The following AGPS variants were observed in gnomAD, a reference collection of about 807,000 sequenced individuals.
AGPS encodes the protein alkyldihydroxyacetonephosphate synthase, peroxisomal.
A neutral mutation model predicts 90.7 loss-of-function variants in AGPS; 26 were observed. The ratio of observed to expected loss-of-function variants is 0.29; its 90% CI spans 0.21 to 0.40. The LOEUF is 0.40. Among genes scored for constraint, AGPS ranks in the 10% least tolerant of loss-of-function variants. The probability of loss-of-function intolerance (pLI) is 1.00; values close to 1 mark genes in which losing one functional copy is unlikely to be tolerated. For missense variants in AGPS, 540 were observed against 816.1 expected, an observed-to-expected ratio of 0.66 and a Z score of 4.12; for synonymous variants, 294 against 285.3, an observed-to-expected ratio of 1.03 and a Z score of -0.31.
chr2:177,394,823 C>T (rs949776241), intron 1 of AGPS, among the ~76,000 whole-genome samples: 3 of 152,138 alleles, frequency 2.0e-5, no homozygotes, highest in Non-Finnish European at 4.4e-5. Context: ...AGTGCAATGC[C>T]TGTTACATAA....
intron 12 of AGPS, among the ~76,000 whole-genome samples, chr2:177,495,512 A>C (rs1688387382): frequency 6.6e-6 from 1 of 152,180 alleles, no homozygotes; most frequent in Non-Finnish European, 1.5e-5. Context: ...ATAGATAATT[A>C]ATAAATCCTG....
chr2:177,506,178 A>T (rs1237887843), intron 15 of AGPS, among the ~76,000 whole-genome samples: 1 of 151,226 alleles, frequency 6.6e-6, no homozygotes, highest in East Asian at 1.9e-4. Flanking sequence ...CTTTGTAACA[A>T]ATTCAAATTT....
intron 14 of AGPS, among the ~76,000 whole-genome samples, chr2:177,500,016 C>T (rs1574013162): frequency 6.6e-6 from 1 of 151,864 alleles, no homozygotes; most frequent in East Asian, 1.9e-4. Flanking sequence ...TAGATTTTTA[C>T]ATTAATGTCA....
intron 3 of AGPS, among the ~76,000 whole-genome samples, chr2:177,435,238 G>A (rs1686369534): frequency 6.6e-6 from 1 of 151,688 alleles, no homozygotes; most frequent in South Asian, 2.1e-4. Context: ...GTTGTTAAGT[G>A]GTATAGGTAT....
intron 13 of AGPS, 41 bp from the exon 14 acceptor site, chr2:177,499,577 A>T: frequency 7.8e-7 from 1 of 1,277,304 alleles, no homozygotes; most frequent in Non-Finnish European, 1.1e-6. Context: ...GTTTTGTAGG[A>T]TAAGACTTAT....
chr2:177,529,375 C>T (rs1230266917), intron 19 of AGPS, among the ~76,000 whole-genome samples: 3 of 151,894 alleles, frequency 2.0e-5, no homozygotes, highest in Admixed American at 6.6e-5. Flanking sequence ...GAAGCTGGGG[C>T]GGGAAGATGG....
At chr2:177,472,648 A>G (rs1225177707) in intron 10 of AGPS, among the ~76,000 whole-genome samples, 1 of 152,090 alleles carries the variant, frequency 6.6e-6, no homozygotes, top group Non-Finnish European at 1.5e-5. Context: ...TGTTACTTGG[A>G]AAGGGCTCCT....
chr2:177,524,688 A>G (rs1013716191), intron 19 of AGPS, among the ~76,000 whole-genome samples: 2 of 151,858 alleles, frequency 1.3e-5, no homozygotes, highest in African/African-American at 2.4e-5. Flanking sequence ...AATATGCTGT[A>G]TATTTGTACT....
chr2:177,428,195 C>G (rs1686135072), intron 2 of AGPS, among the ~76,000 whole-genome samples: 1 of 152,142 alleles, frequency 6.6e-6, no homozygotes, highest in Non-Finnish European at 1.5e-5. Context: ...TTTCCTCCAT[C>G]CCTTTCTTTT....
chr2:177,400,978 T>C (rs181841290), intron 1 of AGPS, among the ~76,000 whole-genome samples: 1 of 152,368 alleles, frequency 6.6e-6, no homozygotes, highest in East Asian at 1.9e-4. Flanking sequence ...AATTCTCTTA[T>C]CACTTTAGTC....
chr2:177,468,569 A>G (rs1204092750), intron 10 of AGPS, 45 bp downstream of exon 10: 3 of 1,372,772 alleles, frequency 2.2e-6, no homozygotes, highest in African/African-American at 1.4e-5. Context: ...CAGGTTAGTC[A>G]TGCAGTTTTG....
intron 17 of AGPS, 60 bp downstream of exon 17, chr2:177,513,968 AG>A (rs879093772): frequency 1.7e-5 from 21 of 1,261,452 alleles, no homozygotes; most frequent in Admixed American, 6.9e-5. Context: ...TTTTTAATCA[AG>A]GGGGGGAATA....
At chr2:177,406,925 G>A (rs1016381732) in intron 1 of AGPS, among the ~76,000 whole-genome samples, 1 of 152,188 alleles carries the variant, frequency 6.6e-6, no homozygotes, top group Non-Finnish European at 1.5e-5. Flanking sequence ...AAGTTTAAAT[G>A]CCTCCACAAT....
intron 12 of AGPS, among the ~76,000 whole-genome samples, chr2:177,494,934 G>A (rs1688370167): frequency 6.6e-6 from 1 of 152,130 alleles, no homozygotes; most frequent in Non-Finnish European, 1.5e-5. Context: ...ACAACAAAAG[G>A]TGCCCCAGAC....
At chr2:177,515,958 G>A (rs1478162811) in intron 17 of AGPS, among the ~76,000 whole-genome samples, 1 of 151,998 alleles carries the variant, frequency 6.6e-6, no homozygotes, top group Admixed American at 6.6e-5. Context: ...AGTGGCTAAG[G>A]AGATTATTCC....
intron 9 of AGPS, among the ~76,000 whole-genome samples, chr2:177,465,469 C>T (rs1028343298): frequency 6.6e-6 from 1 of 152,220 alleles, no homozygotes; most frequent in Admixed American, 6.5e-5. Context: ...TCAGCCCACT[C>T]GGCCTGGCAG....
At chr2:177,464,169 G>A (rs1687380479) in intron 9 of AGPS, among the ~76,000 whole-genome samples, 1 of 152,150 alleles carries the variant, frequency 6.6e-6, no homozygotes, top group Non-Finnish European at 1.5e-5. Flanking sequence ...TTGAACTCCT[G>A]ACCTGAGGTA....
chr2:177,415,339 G>A (rs1685756225), intron 1 of AGPS, among the ~76,000 whole-genome samples: 1 of 152,174 alleles, frequency 6.6e-6, no homozygotes, highest in African/African-American at 2.4e-5. Context: ...CATAGAATTG[G>A]CATTACCTAT....
intron 1 of AGPS, among the ~76,000 whole-genome samples, chr2:177,411,498 G>A (rs951061595): frequency 2.0e-5 from 3 of 152,194 alleles, no homozygotes; most frequent in African/African-American, 7.2e-5. Flanking sequence ...ACTGCCTGCT[G>A]GCCTGTGGGG....
Sources: gnomAD v4.1 joint callset for allele counts (sites outside exome capture counted in the v4.1 genomes callset) on GRCh38, gnomAD v4.1.1 for gene constraint, MANE v1.5 for transcripts, NCBI Gene and HGNC (gene_info 2026-07-23, HGNC 2026-07-21) for gene names.